FAT4: variants seen among roughly 807,000 people sequenced by gnomAD.
FAT4 encodes the protein FAT atypical cadherin 4, also known as protocadherin Fat 4.
Under a neutral mutation model 303.9 loss-of-function variants are expected in FAT4, and 84 were observed. The observed-to-expected ratio is 0.28, with a 90% CI of 0.23 to 0.33. The LOEUF (loss-of-function observed/expected upper bound fraction) is 0.33, where lower values mean the gene tolerates loss of function less well. FAT4 is among the 10% of genes least tolerant of loss of function. The pLI, the probability that FAT4 is intolerant of heterozygous loss-of-function variation, is 1.00. For missense variants in FAT4, 6,005 were observed against 6,146.8 expected (o/e 0.98, Z 0.77); for synonymous variants, 2,307 against 2,298.8 (o/e 1.00, Z -0.10).
intron 2 of FAT4, among the ~76,000 whole-genome samples, chr4:125,328,875 T>G (rs1731263215): frequency 6.6e-6 from 1 of 152,190 alleles, no homozygotes; most frequent in Non-Finnish European, 1.5e-5. Context: ...CACTAACTAA[T>G]GCTACTTGTA....
At position 125,490,715 on chromosome 4, in the gene FAT4, G is replaced by A. The variant is rs267600017; in HGVS notation, c.13899G>A (p.Ser4633=). Residue 4633 remains serine (S), a synonymous_variant, in exon 18 of 18, where the codon TCG becomes TCA. Transcript: ENST00000394329. ...DIDNASSIAP[S]DADIIQHYKQ... ...ACAACGCCAGCAGCATCGCCCCTTCGGATGCAGACATCATTCAACACTACA... is the reference window on the plus strand; with the variant it reads ...ACAACGCCAGCAGCATCGCCCCTTCAGATGCAGACATCATTCAACACTACA... 6.8e-6 allele frequency: 11 copies of A among 1,614,038 alleles called. No individual in the cohort carries two copies. The highest frequency in any genetic ancestry group is 3.3e-5 in the South Asian group (3 of 91,080).
chr4:125,483,275 G>A (rs1578695998), intron 16 of FAT4, among the ~76,000 whole-genome samples: 1 of 152,204 alleles, frequency 6.6e-6, no homozygotes, highest in Middle Eastern at 3.4e-3. Context: ...GGTATTAGAA[G>A]TAAACAAAGT....
intron 8 of FAT4, among the ~76,000 whole-genome samples, chr4:125,443,275 T>G (rs1725720489): frequency 6.6e-6 from 1 of 152,200 alleles, no homozygotes; most frequent in Admixed American, 6.5e-5. Context: ...TAATGTATTC[T>G]CAAATTAGAA....
rs117408802 is a variant in FAT4 at position 125,470,918 on chromosome 4, A to T, written c.12213+2099A>T. 7.8e-3 allele frequency among the ~76,000 whole-genome samples: 1,185 copies of T among 152,332 alleles called. 54 individuals are homozygous for T. In the East Asian group the frequency reaches 0.084, roughly 11 times the overall value. ...CCTATTTGGCCTATCTTGACTTTCG[A>T]AATGCCTTCGTCACTAAGCTTATTC... On this transcript the variant is annotated intron_variant, in intron 12 of 17. Coordinates refer to ENST00000394329, the MANE Select transcript of FAT4 (RefSeq NM_001291303.3).
intron 3 of FAT4, among the ~76,000 whole-genome samples, chr4:125,401,900 G>A (rs527734038): frequency 2.2e-4 from 34 of 151,776 alleles, no homozygotes; most frequent in Non-Finnish European, 4.9e-4. Flanking sequence ...TGGTTCATCC[G>A]GAGAGCAGAA....
At chr4:125,379,182 T>G (rs1377557291) in intron 2 of FAT4, among the ~76,000 whole-genome samples, 1 of 151,982 alleles carries the variant, frequency 6.6e-6, no homozygotes, top group Admixed American at 6.6e-5. Context: ...ATTTAATTTA[T>G]TAATATAATT....
At chr4:125,455,323 G>C (rs4834045) in intron 10 of FAT4, among the ~76,000 whole-genome samples, 76,559 of 151,958 alleles carry the variant, frequency 0.5, 19,845 homozygotes, top group East Asian at 0.68. Context: ...AGTTACTTCT[G>C]TCTGGCTTGT....
intron 2 of FAT4, among the ~76,000 whole-genome samples, chr4:125,368,484 A>G (rs1243728126): frequency 4.1e-5 from 6 of 146,006 alleles, no homozygotes; most frequent in African/African-American, 1.5e-4. Context: ...TTCTCTAGTT[A>G]GGATATATAT....
At chr4:125,488,271 A>G (rs1212233333) in intron 17 of FAT4, among the ~76,000 whole-genome samples, 2 of 152,246 alleles carry the variant, frequency 1.3e-5, no homozygotes, top group Non-Finnish European at 2.9e-5. Flanking sequence ...ATGAAGTTGG[A>G]GAATGAAGCA....
chr4:125,352,363 C>G (rs548453423), intron 2 of FAT4, among the ~76,000 whole-genome samples: 5 of 151,534 alleles, frequency 3.3e-5, no homozygotes, highest in Middle Eastern at 3.4e-3. Context: ...AGTATAGCTC[C>G]AAGTGTAACA....
Position 125,490,711 on chromosome 4 carries a change from C to T in FAT4, c.13895C>T (p.Pro4632Leu), listed in dbSNP as rs749826029. ...ATTGACAACGCCAGCAGCATCGCCC[C>T]TTCGGATGCAGACATCATTCAACAC... The part of the protein sequence containing the change: ...YDIDNASSIA[P>L]SDADIIQHYK... The change falls in exon 18 of 18, where the codon CCT becomes CTT. Residue 4632 changes from proline (P) to leucine (L), a missense_variant. By Grantham distance (98) the Pro-to-Leu change is moderately conservative. Transcript: ENST00000394329. 6.2e-7 allele frequency: 1 copy of T among 1,614,166 alleles called. No homozygotes were observed. Among genetic ancestry groups the T allele is most frequent in the East Asian group, 2.2e-5 (1 of 44,860 alleles).
chr4:125,427,231 T>A (rs1725115889), intron 7 of FAT4, among the ~76,000 whole-genome samples: 1 of 151,852 alleles, frequency 6.6e-6, no homozygotes, highest in African/African-American at 2.4e-5. Context: ...TCATTACATT[T>A]CTCATTTTAA....
intron 8 of FAT4, among the ~76,000 whole-genome samples, chr4:125,439,063 A>G (rs1184171436): frequency 1.3e-5 from 2 of 152,166 alleles, no homozygotes; most frequent in Admixed American, 1.3e-4. Context: ...CAAATGGTGT[A>G]CTTACTTTAT....
intron 2 of FAT4, among the ~76,000 whole-genome samples, chr4:125,328,794 G>A (rs1731261382): frequency 6.6e-6 from 1 of 152,084 alleles, no homozygotes; most frequent in Non-Finnish European, 1.5e-5. Context: ...TTATGGAGTT[G>A]GTTTATGGTG....
chr4:125,371,861 T>A (rs1263421457), intron 2 of FAT4, among the ~76,000 whole-genome samples: 1 of 152,100 alleles, frequency 6.6e-6, no homozygotes, highest in Admixed American at 6.6e-5. Context: ...AGGGAATGTC[T>A]TCCTGTGACG....
At chr4:125,432,486 G>A (rs756332967) in intron 7 of FAT4, among the ~76,000 whole-genome samples, 65 of 152,116 alleles carry the variant, frequency 4.3e-4, no homozygotes, top group Non-Finnish European at 6.2e-4. Flanking sequence ...TATGTTGCAT[G>A]GAATTTTGAC....
At chr4:125,419,146 A>G (rs541554345) in intron 7 of FAT4, among the ~76,000 whole-genome samples, 47 of 152,312 alleles carry the variant, frequency 3.1e-4, no homozygotes, top group Non-Finnish European at 6.6e-4. Context: ...TAATATCTAT[A>G]TGAAAGTTTA....
At chr4:125,476,386 T>G in intron 13 of FAT4, 130 bp downstream of exon 13, 1 of 368,422 alleles carries the variant, frequency 2.7e-6, no homozygotes, top group Non-Finnish European at 4.8e-6. Context: ...CTCTCCAAAT[T>G]TTCATAATAT....
chr4:125,398,503 A>G (rs1000380824), intron 2 of FAT4, among the ~76,000 whole-genome samples: 1 of 152,190 alleles, frequency 6.6e-6, no homozygotes, highest in African/African-American at 2.4e-5. Flanking sequence ...GGGGATTAAA[A>G]TGACAGTTAA....
Sources: gnomAD v4.1 joint callset for allele counts (sites outside exome capture counted in the v4.1 genomes callset) on GRCh38, gnomAD v4.1.1 for gene constraint, MANE v1.5 for transcripts, NCBI Gene and HGNC (gene_info 2026-07-23, HGNC 2026-07-21) for gene names.